Variants in FBN2 observed in about 807,000 individuals in gnomAD.
The protein encoded by FBN2 is fibrillin 2, also known as fibrillin-2.
A neutral mutation model predicts 355.6 loss-of-function variants in FBN2; 105 were observed. The ratio of observed to expected loss-of-function variants is 0.30; its 90% confidence interval spans 0.25 to 0.35. The LOEUF (loss-of-function observed/expected upper bound fraction) is 0.35, where lower values mean the gene tolerates loss of function less well. Among genes scored for constraint, FBN2 ranks in the 10% least tolerant of loss-of-function variants. FBN2 has a pLI of 1.00. For missense variants in FBN2, 3,280 were observed against 3,758.7 expected (o/e 0.87, Z 3.33); for synonymous variants, 1,350 against 1,301.2 (o/e 1.04, Z -0.81).
At chr5:128,509,993 G>C (rs1284651697) in intron 5 of FBN2, among the ~76,000 whole-genome samples, 1 of 152,148 alleles carries the variant, frequency 6.6e-6, no homozygotes, top group Non-Finnish European at 1.5e-5. Context: ...GTGATTGTCA[G>C]TATTCTGCTG....
chr5:128,304,858 GAC>G, intron 45 of FBN2, 97 bp downstream of exon 45: 1 of 1,473,282 alleles, frequency 6.8e-7, no homozygotes, highest in East Asian at 2.3e-5. Context: ...GATTGTTTCT[GAC>G]AGAGACATAG....
Position 128,369,166 on chromosome 5 carries a change from T to C in FBN2, c.2248+16A>G. 1 of 1,613,822 alleles carries C rather than the reference T, an allele frequency of 6.2e-7. No homozygotes were observed. The highest frequency in any genetic ancestry group is 8.5e-7 in the Non-Finnish European group (1 of 1,179,722). On this transcript the variant is annotated intron_variant, in intron 16 of 64. Coordinates refer to ENST00000262464, the MANE Select transcript of FBN2 (RefSeq NM_001999.4). ...CTTGATTCTTTATCAACTGTGAAAATGGCACATGTGACTACCTGAATTTTT... is the reference window on the plus strand; with the variant it reads ...CTTGATTCTTTATCAACTGTGAAAACGGCACATGTGACTACCTGAATTTTT...
At chr5:128,350,361 A>G (rs1458918519) in intron 21 of FBN2, among the ~76,000 whole-genome samples, 3 of 152,128 alleles carry the variant, frequency 2.0e-5, no homozygotes, top group African/African-American at 7.2e-5. Context: ...GACCCATCTG[A>G]CCAACATGGT....
At chr5:128,350,459 G>T (rs1289477517) in intron 21 of FBN2, among the ~76,000 whole-genome samples, 2 of 152,296 alleles carry the variant, frequency 1.3e-5, no homozygotes, top group South Asian at 4.2e-4. Flanking sequence ...GCTGAGGCAG[G>T]AGAATCGCTT....
intron 31 of FBN2, among the ~76,000 whole-genome samples, chr5:128,333,795 T>C (rs1750756609): frequency 2.0e-5 from 3 of 150,666 alleles, no homozygotes; most frequent in African/African-American, 7.3e-5. Flanking sequence ...TAAATAGTAA[T>C]GTGTTCTATC....
At chr5:128,437,586 G>C (rs1002116018) in intron 7 of FBN2, among the ~76,000 whole-genome samples, 2 of 152,080 alleles carry the variant, frequency 1.3e-5, no homozygotes, top group Non-Finnish European at 2.9e-5. Context: ...TTTGGTTTTG[G>C]TGGCTTCATG....
At chr5:128,278,947 A>C in intron 56 of FBN2, 106 bp from the exon 57 acceptor site, 1 of 874,456 alleles carries the variant, frequency 1.1e-6, no homozygotes, top group South Asian at 1.4e-5. Flanking sequence ...AGGAATAATT[A>C]AGACAGCTTA....
chr5:128,511,915 G>C (rs1756140638), intron 5 of FBN2, among the ~76,000 whole-genome samples: 1 of 152,084 alleles, frequency 6.6e-6, no homozygotes, highest in African/African-American at 2.4e-5. Flanking sequence ...AAACTGTTTA[G>C]AATAATAACT....
chr5:128,340,118 A>G (rs1750960093), intron 25 of FBN2, among the ~76,000 whole-genome samples: 1 of 152,230 alleles, frequency 6.6e-6, no homozygotes, highest in African/African-American at 2.4e-5. Flanking sequence ...ATGTCTATAT[A>G]AAATATGTTT....
At chr5:128,343,255 C>T (rs1465881536) in intron 25 of FBN2, among the ~76,000 whole-genome samples, 2 of 152,112 alleles carry the variant, frequency 1.3e-5, no homozygotes, top group South Asian at 4.1e-4. Flanking sequence ...GAGGTGAATG[C>T]AGTAATCTCA....
chr5:128,439,799 A>G (rs1753868392), intron 7 of FBN2, among the ~76,000 whole-genome samples: 1 of 152,118 alleles, frequency 6.6e-6, no homozygotes, highest in African/African-American at 2.4e-5. Context: ...ACACTGAAAT[A>G]TGCTTTCTCA....
rs750642965 is a variant in FBN2 at position 128,345,392 on chromosome 5, C to T, written c.3182G>A (p.Arg1061Gln). ...LCPRGAGFAN[R>Q]GDVLTGRPFY... ...TGGCCGCCCAGTAAGAACATCCCCT[C>T]GGTTAGCAAAGCCAGCCCCGCGGGG... Residue 1061 changes from arginine (R) to glutamine (Q), a missense_variant, in exon 24 of 65, where the codon CGA becomes CAA. Arg to Gln is a conservative substitution (Grantham distance 43). Coordinates refer to ENST00000262464, the MANE Select transcript of FBN2 (RefSeq NM_001999.4). The T allele has an allele frequency of 8.1e-6, 13 of 1,614,164 alleles. No homozygotes were observed. The highest frequency in any genetic ancestry group is 2.7e-5 in the African/African-American group (2 of 75,048).
At chr5:128,430,749 C>T (rs1042431471) in intron 7 of FBN2, among the ~76,000 whole-genome samples, 2 of 152,018 alleles carry the variant, frequency 1.3e-5, no homozygotes, top group African/African-American at 4.8e-5. Flanking sequence ...GAGGCTGAGG[C>T]AGGAGAATCC....
At chr5:128,269,759 C>T (rs1264394352) in intron 62 of FBN2, among the ~76,000 whole-genome samples, 2 of 152,164 alleles carry the variant, frequency 1.3e-5, no homozygotes, top group Non-Finnish European at 2.9e-5. Flanking sequence ...ACATTCCATC[C>T]TCATGGATAG....
chr5:128,272,564 A>AT (rs1483961324), intron 61 of FBN2, among the ~76,000 whole-genome samples: 1 of 151,022 alleles, frequency 6.6e-6, no homozygotes, highest in East Asian at 1.9e-4. Flanking sequence ...GGATAGAAGC[A>AT]TTACAGAGAT....
chr5:128,282,071 T>C (rs1308110414), intron 55 of FBN2, among the ~76,000 whole-genome samples: 1 of 152,306 alleles, frequency 6.6e-6, no homozygotes, highest in African/African-American at 2.4e-5. Flanking sequence ...TGATTGAGTA[T>C]AGCATTTTAG....
chr5:128,518,828 G>C (rs1756354895), intron 5 of FBN2, among the ~76,000 whole-genome samples: 1 of 152,176 alleles, frequency 6.6e-6, no homozygotes, highest in Non-Finnish European at 1.5e-5. Context: ...CATCCTACCT[G>C]AGGCCCACTA....
At chr5:128,435,718 T>C (rs1453191032) in intron 7 of FBN2, among the ~76,000 whole-genome samples, 1 of 152,302 alleles carries the variant, frequency 6.6e-6, no homozygotes, top group African/African-American at 2.4e-5. Context: ...AATTTTCCTC[T>C]TGTTACTGGG....
At chr5:128,533,803 A>G (rs1277324090) in intron 2 of FBN2, among the ~76,000 whole-genome samples, 1 of 152,174 alleles carries the variant, frequency 6.6e-6, no homozygotes, top group African/African-American at 2.4e-5. Context: ...TCATAGCATA[A>G]TTTCACAATA....
Sources: allele counts gnomAD v4.1 joint callset (sites outside exome capture counted in the v4.1 genomes callset), GRCh38; gene constraint gnomAD v4.1.1; transcripts MANE v1.5; gene names NCBI Gene and HGNC (gene_info 2026-07-23, HGNC 2026-07-21).